PALS1: variants seen among roughly 807,000 people sequenced by gnomAD.
PALS1 encodes the protein protein PALS1.
Under a neutral mutation model 78.9 loss-of-function variants are expected in PALS1, and 31 were observed. The ratio of observed to expected loss-of-function variants is 0.39; its 90% CI spans 0.30 to 0.53. The LOEUF (loss-of-function observed/expected upper bound fraction) is 0.53. PALS1 is among the 20% of genes least tolerant of loss of function. The probability of loss-of-function intolerance (pLI) is 0.67; values close to 1 mark genes in which losing one functional copy is unlikely to be tolerated. For synonymous variants in PALS1, 276 were observed against 270.9 expected (o/e 1.02, Z -0.18); for missense variants, 704 against 826.5 (o/e 0.85, Z 1.82).
At chr14:67,250,038 T>G (rs2084044012) in intron 1 of PALS1, among the ~76,000 whole-genome samples, 1 of 152,220 alleles carries the variant, frequency 6.6e-6, no homozygotes, top group Non-Finnish European at 1.5e-5. Context: ...TGTTCTATTT[T>G]GTTTTTTATG....
At chr14:67,273,877 A>G (rs1005638236) in intron 2 of PALS1, among the ~76,000 whole-genome samples, 5 of 152,262 alleles carry the variant, frequency 3.3e-5, no homozygotes, top group South Asian at 2.1e-4. Flanking sequence ...GACCAGTGAT[A>G]ATGAGCATTT....
At chr14:67,323,261 G>GTATATATA (rs58770441) in intron 13 of PALS1, among the ~76,000 whole-genome samples, 1,674 of 124,120 alleles carry the variant, frequency 0.013, 33 homozygotes, top group African/African-American at 0.036. Flanking sequence ...GTGTGTGTGT[G>GTATATATA]TATATATATA....
intron 8 of PALS1, among the ~76,000 whole-genome samples, chr14:67,309,779 G>C (rs10129779): frequency 0.15 from 23,537 of 152,034 alleles, 3,441 homozygotes; most frequent in East Asian, 0.42. Context: ...CTGAGGTGCG[G>C]CATGAGAATT....
intron 1 of PALS1, among the ~76,000 whole-genome samples, chr14:67,263,470 A>G (rs973707007): frequency 6.6e-6 from 1 of 152,230 alleles, no homozygotes; most frequent in Non-Finnish European, 1.5e-5. Context: ...GAGAATCTCT[A>G]TGAACAAGTG....
chr14:67,262,129 T>G (rs2084248103), intron 1 of PALS1, among the ~76,000 whole-genome samples: 1 of 152,160 alleles, frequency 6.6e-6, no homozygotes, highest in Non-Finnish European at 1.5e-5. Context: ...ATCTGACCTG[T>G]CTACCTTTCA....
At chr14:67,275,285 A>G (rs1474160141) in intron 2 of PALS1, among the ~76,000 whole-genome samples, 1 of 152,156 alleles carries the variant, frequency 6.6e-6, no homozygotes, top group African/African-American at 2.4e-5. Flanking sequence ...TTATTTTGAG[A>G]TACATTCCAT....
intron 4 of PALS1, among the ~76,000 whole-genome samples, chr14:67,300,830 G>T (rs1001663773): frequency 3.3e-5 from 5 of 151,802 alleles, no homozygotes; most frequent in African/African-American, 1.2e-4. Flanking sequence ...CATCTTGTTA[G>T]ACTGTCAGTC....
At chr14:67,261,285 ACTCATAGAAAAGTTAAGATG>A (rs1207343553) in intron 1 of PALS1, among the ~76,000 whole-genome samples, 1 of 152,150 alleles carries the variant, frequency 6.6e-6, no homozygotes, top group East Asian at 1.9e-4. Flanking sequence ...TTGGAGAGAA[ACTCATAGAAAAGTTAAGATG>A]CTCATAGAAA....
chr14:67,250,608 C>A (rs2140437872), intron 1 of PALS1, among the ~76,000 whole-genome samples: 1 of 152,252 alleles, frequency 6.6e-6, no homozygotes, highest in Admixed American at 6.5e-5. Context: ...ACTGTTCATA[C>A]AATATGCAGG....
At chr14:67,292,064 T>C (rs1291046759) in intron 3 of PALS1, among the ~76,000 whole-genome samples, 1 of 152,180 alleles carries the variant, frequency 6.6e-6, no homozygotes, top group East Asian at 1.9e-4. Context: ...AGTTTAATGG[T>C]TACTATAAAT....
intron 8 of PALS1, among the ~76,000 whole-genome samples, chr14:67,307,157 C>T (rs144566654): frequency 2.2e-4 from 33 of 152,244 alleles, no homozygotes; most frequent in African/African-American, 7.7e-4. Context: ...GTCTTGGCAC[C>T]TCTGTATTTC....
chr14:67,317,308 TTAAAGAA>T (rs1220894883), intron 10 of PALS1, 93 bp from the exon 11 acceptor site: 5 of 1,108,550 alleles, frequency 4.5e-6, no homozygotes, highest in African/African-American at 3.3e-5. Context: ...GCAAAAAAAT[TTAAAGAA>T]TAAATGAATG....
At chr14:67,331,339 G>A (rs564246913) in intron 14 of PALS1, among the ~76,000 whole-genome samples, 1 of 152,234 alleles carries the variant, frequency 6.6e-6, no homozygotes, top group East Asian at 1.9e-4. Flanking sequence ...GAGCCCCTGC[G>A]CTGGTATTGG....
At chr14:67,271,162 A>T (rs890340685) in intron 2 of PALS1, 2 of 152,240 alleles carry the variant, frequency 1.3e-5, no homozygotes, top group Non-Finnish European at 2.9e-5. Flanking sequence ...TCACGGCTAT[A>T]GAGGTCAACA....
At chr14:67,287,972 G>C (rs2084715894) in intron 3 of PALS1, among the ~76,000 whole-genome samples, 1 of 152,170 alleles carries the variant, frequency 6.6e-6, no homozygotes, top group Admixed American at 6.5e-5. Flanking sequence ...AGACCCAGTA[G>C]GGATACAATT....
intron 9 of PALS1, among the ~76,000 whole-genome samples, chr14:67,316,342 C>T (rs1268881489): frequency 1.3e-5 from 2 of 152,020 alleles, no homozygotes; most frequent in Non-Finnish European, 2.9e-5. Flanking sequence ...CATATACATA[C>T]ACAAAAGAAG....
intron 13 of PALS1, among the ~76,000 whole-genome samples, chr14:67,321,592 T>G (rs8014966): frequency 0.15 from 23,557 of 152,182 alleles, 3,443 homozygotes; most frequent in East Asian, 0.42. Flanking sequence ...AGTCTGAAAT[T>G]AAATTCATTT....
chr14:67,243,195 T>C (rs2083930700), intron 1 of PALS1, among the ~76,000 whole-genome samples: 1 of 150,176 alleles, frequency 6.7e-6, no homozygotes, highest in Admixed American at 6.6e-5. Context: ...TGTCTTTTCT[T>C]TTTTTTTTTG....
At chr14:67,293,216 G>C (rs1047882321) in intron 4 of PALS1, among the ~76,000 whole-genome samples, 3 of 152,146 alleles carry the variant, frequency 2.0e-5, no homozygotes, top group East Asian at 1.9e-4. Flanking sequence ...TTGTTAACAT[G>C]ATGACTTAAA....
Sources: allele counts gnomAD v4.1 joint callset (sites outside exome capture counted in the v4.1 genomes callset), GRCh38; gene constraint gnomAD v4.1.1; transcripts MANE v1.5; gene names NCBI Gene and HGNC (gene_info 2026-07-23, HGNC 2026-07-21).